Variants in ATP9B observed in about 807,000 individuals in gnomAD.
ATP9B encodes the protein ATPase phospholipid transporting 9B.
ATP9B carries 110 observed loss-of-function variants against 146.1 expected under a neutral mutation model. The observed-to-expected ratio is 0.75, with a 90% CI of 0.65 to 0.88. The LOEUF (loss-of-function observed/expected upper bound fraction) is 0.88. ATP9B is among the 40% of genes least tolerant of loss of function. ATP9B has a pLI of 0.00. For missense variants in ATP9B, 1,499 were observed against 1,496.4 expected (o/e 1.00, Z -0.03); for synonymous variants, 604 against 569.7 (o/e 1.06, Z -0.86).
intron 11 of ATP9B, among the ~76,000 whole-genome samples, chr18:79,216,377 T>G (rs1418880782): frequency 6.6e-6 from 1 of 152,202 alleles, no homozygotes; most frequent in Admixed American, 6.5e-5. Flanking sequence ...CGTGTGTCCC[T>G]CAGCCTCTTC....
Position 79,239,069 on chromosome 18 carries a change from A to C in ATP9B, c.1108-14312A>C, listed in dbSNP as rs374145798. 2.4e-3 allele frequency among the ~76,000 whole-genome samples: 367 copies of C among 152,308 alleles called. 2 individuals carry two copies. The highest frequency in any genetic ancestry group is 6.4e-3 in the South Asian group (31 of 4,828). On this transcript the variant is annotated intron_variant, in intron 11 of 29. Transcript: ENST00000426216. The surrounding 1 kb of genome is among the most constrained non-coding windows in gnomAD (Gnocchi z 5.1). ...GCAGGCTCAAGGAGAGCCTCCAGCC[A>C]CTGAGCCCCAACCCCCAGTCATCAA...
chr18:79,226,902 A>G (rs1015138060), intron 11 of ATP9B, among the ~76,000 whole-genome samples: 2 of 152,124 alleles, frequency 1.3e-5, no homozygotes, highest in Admixed American at 6.5e-5. Flanking sequence ...CACTGACTGA[A>G]CACCTGCTGT....
At chr18:79,345,878 A>T (rs532919936) in intron 23 of ATP9B, 39 bp downstream of exon 23, 2 of 1,608,922 alleles carry the variant, frequency 1.2e-6, no homozygotes, top group African/African-American at 2.7e-5. Context: ...GCACACAGTC[A>T]GCACACATCA....
At chr18:79,258,170 A>T (rs1461468964) in intron 12 of ATP9B, among the ~76,000 whole-genome samples, 1 of 152,256 alleles carries the variant, frequency 6.6e-6, no homozygotes, top group Non-Finnish European at 1.5e-5. Flanking sequence ...ATATGTATTT[A>T]TAGTAAAACA....
rs184751152 is a variant in ATP9B, at chr18:79,331,163, G to A, written c.2028+1059G>A. ...ACATGGCCCTTTTTCCTGTGTGCGT[G>A]TTGCTGTTGGAATTCAGAGTCTCTC... On this transcript the variant is annotated intron_variant, in intron 17 of 29. Coordinates refer to ENST00000426216, the MANE Select transcript of ATP9B (RefSeq NM_198531.5). 2.6e-5 allele frequency among the ~76,000 whole-genome samples: 4 copies of A among 152,300 alleles called. No individual in the cohort carries two copies. In the East Asian group the frequency reaches 7.7e-4, roughly 29 times the overall value.
intron 1 of ATP9B, among the ~76,000 whole-genome samples, chr18:79,094,359 T>C (rs1406756550): frequency 2.6e-5 from 4 of 152,226 alleles, no homozygotes; most frequent in Non-Finnish European, 4.4e-5. Flanking sequence ...ATTTCCAGGG[T>C]TGTTTTTTCT....
At chr18:79,196,791 G>A (rs6506742) in intron 9 of ATP9B, among the ~76,000 whole-genome samples, 31,858 of 152,084 alleles carry the variant, frequency 0.21, 3,638 homozygotes, top group East Asian at 0.49. Flanking sequence ...AAGGAAACAG[G>A]AGTTGCAGTC....
intron 10 of ATP9B, among the ~76,000 whole-genome samples, chr18:79,208,262 GT>G (rs750927203): frequency 5.9e-5 from 9 of 152,128 alleles, no homozygotes; most frequent in Admixed American, 1.3e-4. Flanking sequence ...GAAAAATGAA[GT>G]TTATATAGAC....
chr18:79,104,875 C>T (rs1003762306), intron 2 of ATP9B, among the ~76,000 whole-genome samples: 1 of 152,088 alleles, frequency 6.6e-6, no homozygotes, highest in Non-Finnish European at 1.5e-5. Context: ...TCCCAAGTAG[C>T]TGGGACTACA....
At chr18:79,290,425 C>T (rs994062700) in intron 13 of ATP9B, among the ~76,000 whole-genome samples, 21 of 152,260 alleles carry the variant, frequency 1.4e-4, no homozygotes, top group Non-Finnish European at 2.5e-4. Context: ...GAGCCAGGTG[C>T]GGGATATAAT....
At chr18:79,321,056 G>C (rs2096713006) in intron 15 of ATP9B, among the ~76,000 whole-genome samples, 1 of 152,188 alleles carries the variant, frequency 6.6e-6, no homozygotes. Context: ...CTAGATGTAA[G>C]TTATTTCTAA....
rs1028537697 is a variant in ATP9B, at chr18:79,096,539, CT to C, written c.186del (p.Phe62LeufsTer16). ...TGCCACTAATGATGTCTGAAGAAGGCTTTGAGAATGAGGAAAGTGATTACCA... is the reference window on the plus strand; with the variant it reads ...TGCCACTAATGATGTCTGAAGAAGGCTTGAGAATGAGGAAAGTGATTACCA... ...EMPLMMSEEGFENEESDYHTL... is the reference protein window; with the variant it reads ...EMPLMMSEEGXENEESDYHTL... On this transcript the variant is annotated frameshift_variant, in exon 2 of 30. Coordinates refer to ENST00000426216, the MANE Select transcript of ATP9B (RefSeq NM_198531.5). LOFTEE classifies it high-confidence loss of function. 1 of 1,613,798 alleles carries C rather than the reference CT, an allele frequency of 6.2e-7. No individual in the cohort carries two copies. The highest frequency in any genetic ancestry group is 1.3e-5 in the African/African-American group (1 of 74,894).
intron 2 of ATP9B, among the ~76,000 whole-genome samples, chr18:79,109,631 T>C (rs935004772): frequency 1.3e-5 from 2 of 151,710 alleles, no homozygotes; most frequent in Non-Finnish European, 2.9e-5. Context: ...AGTGGCATTG[T>C]CTTGGCTCAC....
In ATP9B at chr18:79,116,779, G is replaced by A. The variant is rs377329032; in HGVS notation, c.558+3425G>A. Among the ~76,000 whole-genome samples the A allele has an allele frequency of 6.1e-5, 5 of 82,058 alleles. No individual in the cohort carries two copies. In the East Asian group the frequency reaches 1.8e-3, roughly 30 times the overall value. 53.8% of individuals were successfully genotyped at this position (82,058 alleles called of 152,430 possible). The stretch of plus-strand genomic sequence containing the variant: ...ACACTCTGGGGACTGTGGTGGGGTC[G>A]GGGGAGGGGGGAGGGATAGCATTGG... On this transcript the variant is annotated intron_variant, in intron 4 of 29. Coordinates refer to ENST00000426216, the MANE Select transcript of ATP9B (RefSeq NM_198531.5).
At chr18:79,376,991 C>T (rs184256979) in intron 29 of ATP9B, among the ~76,000 whole-genome samples, 31 of 152,306 alleles carry the variant, frequency 2.0e-4, no homozygotes, top group Non-Finnish European at 7.3e-5. Flanking sequence ...TGAGCCACTG[C>T]GCCCGGCCTG....
chr18:79,211,252 A>G (rs7240468), intron 10 of ATP9B, among the ~76,000 whole-genome samples: 3 of 152,000 alleles, frequency 2.0e-5, no homozygotes, highest in Non-Finnish European at 4.4e-5. Context: ...GCTTTGCAAC[A>G]TGGAAGTTGT....
chr18:79,350,850 C>T (rs939528176), intron 25 of ATP9B, among the ~76,000 whole-genome samples: 2 of 150,698 alleles, frequency 1.3e-5, no homozygotes, highest in African/African-American at 4.9e-5. Context: ...CTCGCTGCAA[C>T]CTCTGCCTCC....
intron 12 of ATP9B, among the ~76,000 whole-genome samples, chr18:79,272,610 C>T (rs531954074): frequency 6.6e-6 from 1 of 152,116 alleles, no homozygotes; most frequent in South Asian, 2.1e-4. Context: ...CACGGATACG[C>T]TCCTCTCCCT....
chr18:79,143,043 G>A (rs1220427146), intron 5 of ATP9B, among the ~76,000 whole-genome samples: 2 of 152,164 alleles, frequency 1.3e-5, no homozygotes, highest in African/African-American at 2.4e-5. Flanking sequence ...GACAGGGAGA[G>A]AGTGAGGAAG....
Sources: allele counts gnomAD v4.1 joint callset (sites outside exome capture counted in the v4.1 genomes callset), GRCh38; gene constraint gnomAD v4.1.1; non-coding constraint Gnocchi (gnomAD v3.1); transcripts MANE v1.5; gene names NCBI Gene and HGNC (gene_info 2026-07-23, HGNC 2026-07-21).